ANXA13: variants seen among roughly 807,000 people sequenced by gnomAD.
ANXA13 encodes annexin XIII.
ANXA13 carries 36 observed loss-of-function variants against 46.6 expected under a neutral mutation model. The ratio of observed to expected loss-of-function variants is 0.77; its 90% CI spans 0.59 to 1.02. The LOEUF is 1.02. ANXA13 is among the 50% of genes least tolerant of loss of function. The probability of loss-of-function intolerance (pLI) is 0.00; values close to 1 mark genes in which losing one functional copy is unlikely to be tolerated. For synonymous variants in ANXA13, 163 were observed against 152.9 expected (o/e 1.07, Z -0.49); for missense variants, 417 against 396.5 (o/e 1.05, Z -0.44).
intron 9 of ANXA13, 63 bp from the exon 10 acceptor site, chr8:123,684,785 C>T (rs1563603746): frequency 2.4e-6 from 3 of 1,254,192 alleles, no homozygotes; most frequent in Non-Finnish European, 2.3e-6. Context: ...ACCTTGGGAC[C>T]CCCCTAAATG....
chr8:123,720,311 C>T (rs1278604305), intron 1 of ANXA13, among the ~76,000 whole-genome samples: 2 of 152,110 alleles, frequency 1.3e-5, no homozygotes, highest in African/African-American at 4.8e-5. Flanking sequence ...GTAGTTTTGC[C>T]TGGGCTTGTT....
At chr8:123,727,593 T>G (rs1365971341) in intron 1 of ANXA13, 2 of 151,878 alleles carry the variant, frequency 1.3e-5, no homozygotes, top group African/African-American at 2.4e-5. Context: ...GAGGCCAGGA[T>G]TCTGCTAAAC....
At chr8:123,733,807 A>C (rs1388485123) in intron 1 of ANXA13, among the ~76,000 whole-genome samples, 1 of 152,166 alleles carries the variant, frequency 6.6e-6, no homozygotes, top group Non-Finnish European at 1.5e-5. Flanking sequence ...CAACCACCAG[A>C]CCAATTAATT....
chr8:123,686,789 C>A (rs1056066733), intron 9 of ANXA13, among the ~76,000 whole-genome samples: 2 of 152,202 alleles, frequency 1.3e-5, no homozygotes, highest in Non-Finnish European at 2.9e-5. Context: ...GACCTCACCC[C>A]CTGCTCCTAG....
Position 123,695,585 on chromosome 8 carries a change from C to G in ANXA13, c.392-4G>C. On this transcript the variant is annotated splice_region_variant and splice_polypyrimidine_tract_variant and intron_variant, in intron 5 of 10. Coordinates refer to ENST00000419625, the MANE Select transcript of ANXA13 (RefSeq NM_004306.4). ...GATTCGAGGCTCCTATCAAATACTT[C>G]GAAGGAAGTAAACAAGGAGGGAAGA... The G allele has an allele frequency of 1.9e-6, 3 of 1,613,572 alleles. No individual in the cohort carries two copies. The highest frequency in any genetic ancestry group is 2.5e-6 in the Non-Finnish European group (3 of 1,179,760).
chr8:123,695,726 G>A lies in ANXA13; in HGVS notation c.358-5C>T, dbSNP rs751090295. 2.5e-6 allele frequency: 4 copies of A among 1,611,852 alleles called. No individual in the cohort carries two copies. The South Asian group carries it at 3.3e-5, about 13-fold the overall frequency. The stretch of plus-strand genomic sequence containing the variant: ...CTCTTTAATGGCGATGATTTCCTAG[G>A]GAAGGTAATTTACAAAAAAATCAAT... On this transcript the variant is annotated splice_region_variant and splice_polypyrimidine_tract_variant and intron_variant, in intron 4 of 10. Transcript: ENST00000419625.
At chr8:123,721,331 C>T (rs950024946) in intron 1 of ANXA13, among the ~76,000 whole-genome samples, 1 of 152,142 alleles carries the variant, frequency 6.6e-6, no homozygotes, top group Non-Finnish European at 1.5e-5. Flanking sequence ...AGTTCTGCCT[C>T]CTCTCTCACA....
At chr8:123,726,554 G>A (rs1338348637) in intron 1 of ANXA13, among the ~76,000 whole-genome samples, 2 of 152,216 alleles carry the variant, frequency 1.3e-5, no homozygotes, top group African/African-American at 4.8e-5. Flanking sequence ...AGCTCCTGAA[G>A]GTTCCAGCCT....
At chr8:123,721,976 T>C (rs1563617891) in intron 1 of ANXA13, among the ~76,000 whole-genome samples, 1 of 152,122 alleles carries the variant, frequency 6.6e-6, no homozygotes, top group Non-Finnish European at 1.5e-5. Context: ...TTTGGGGTTA[T>C]TGTCTAAATA....
intron 3 of ANXA13, among the ~76,000 whole-genome samples, chr8:123,701,469 C>CAAAAA (rs1156235883): frequency 1.4e-5 from 2 of 139,762 alleles, no homozygotes; most frequent in Admixed American, 1.4e-4. Context: ...GACTCCGTCT[C>CAAAAA]AAAACAAAAC....
chr8:123,681,415 A>T, intron 10 of ANXA13, 56 bp from the exon 11 acceptor site: 1 of 1,558,662 alleles, frequency 6.4e-7, no homozygotes, highest in Non-Finnish European at 8.8e-7. Flanking sequence ...GTTCACAAAC[A>T]GTGGGCACTG....
chr8:123,715,895 A>G (rs572242245), intron 1 of ANXA13, among the ~76,000 whole-genome samples: 1 of 152,244 alleles, frequency 6.6e-6, no homozygotes, highest in African/African-American at 2.4e-5. Context: ...CATGATACAA[A>G]TATCACAGAG....
At chr8:123,719,255 A>G (rs1400542887) in intron 1 of ANXA13, among the ~76,000 whole-genome samples, 1 of 152,232 alleles carries the variant, frequency 6.6e-6, no homozygotes, top group African/African-American at 2.4e-5. Flanking sequence ...CATGAGAGGC[A>G]TGTGAATTAA....
At chr8:123,718,585 ACTGC>A (rs1813801769) in intron 1 of ANXA13, among the ~76,000 whole-genome samples, 1 of 152,218 alleles carries the variant, frequency 6.6e-6, no homozygotes, top group Admixed American at 6.5e-5. Flanking sequence ...TATGAAAGGC[ACTGC>A]CTGGTGCATG....
intron 10 of ANXA13, 60 bp from the exon 11 acceptor site, chr8:123,681,419 G>A: frequency 1.3e-6 from 2 of 1,531,662 alleles, no homozygotes; most frequent in Non-Finnish European, 1.8e-6. Context: ...ACAAACAGTG[G>A]GCACTGTTCT....
chr8:123,729,417 T>G (rs1018207727), intron 1 of ANXA13, among the ~76,000 whole-genome samples: 8 of 152,214 alleles, frequency 5.3e-5, no homozygotes, highest in African/African-American at 1.9e-4. Context: ...GCTCTCCTCT[T>G]CCTCTTTGCC....
At chr8:123,700,757 T>G (rs1042276473) in intron 3 of ANXA13, among the ~76,000 whole-genome samples, 2 of 152,086 alleles carry the variant, frequency 1.3e-5, no homozygotes, top group Admixed American at 1.3e-4. Flanking sequence ...TCTTTTGTTC[T>G]TTCTTTTTCT....
intron 3 of ANXA13, among the ~76,000 whole-genome samples, chr8:123,701,505 C>T (rs1813447142): frequency 1.3e-5 from 2 of 152,116 alleles, no homozygotes; most frequent in Admixed American, 1.3e-4. Context: ...AAAAAAACCA[C>T]ACACACATTC....
chr8:123,720,657 CGTGTGTGTGTGTGTGTGTGT>C (rs34135339), intron 1 of ANXA13, among the ~76,000 whole-genome samples: 2 of 141,432 alleles, frequency 1.4e-5, no homozygotes, highest in South Asian at 2.4e-4. Context: ...CCTGTGTCCC[CGTGTGTGTGTGTGTGTGTGT>C]GTGTGTGTGT....
Sources: gnomAD v4.1 joint callset for allele counts (sites outside exome capture counted in the v4.1 genomes callset) on GRCh38, gnomAD v4.1.1 for gene constraint, MANE v1.5 for transcripts, NCBI Gene and HGNC (gene_info 2026-07-23, HGNC 2026-07-21) for gene names.